ARID5B: variants seen among roughly 807,000 people sequenced by gnomAD.
The protein encoded by ARID5B is AT-rich interaction domain 5B, also known as AT-rich interactive domain-containing protein 5B.
In ARID5B, 13 loss-of-function variants were observed where a neutral mutation model predicts 97.2. The ratio of observed to expected loss-of-function variants is 0.13; its 90% CI spans 0.09 to 0.21. The LOEUF (loss-of-function observed/expected upper bound fraction) is 0.21, where lower values mean the gene tolerates loss of function less well. Ranked by LOEUF, ARID5B falls within the 10% of genes least tolerant of loss-of-function variation. The pLI is 1.00. For synonymous variants in ARID5B, 556 were observed against 570.3 expected, an observed-to-expected ratio of 0.97 and a Z score of 0.36; for missense variants, 1,210 against 1,465.3, an observed-to-expected ratio of 0.83 and a Z score of 2.84.
chr10:61,906,757 C>G (rs772921406), intron 2 of ARID5B, among the ~76,000 whole-genome samples: 4 of 152,142 alleles, frequency 2.6e-5, no homozygotes, highest in African/African-American at 4.8e-5. Flanking sequence ...AATAGAATCT[C>G]TAGAGTTGGG....
chr10:61,907,753 A>G (rs1843730883), intron 2 of ARID5B, among the ~76,000 whole-genome samples: 1 of 152,284 alleles, frequency 6.6e-6, no homozygotes, highest in Non-Finnish European at 1.5e-5. Flanking sequence ...AATCTGGCCC[A>G]CTGTCTGTTT....
In ARID5B at chr10:62,093,239, A is replaced by G. The variant is rs895554338; in HGVS notation, c.*209A>G. The G allele has an allele frequency of 1.6e-6, 1 of 644,000 alleles. No homozygotes were observed. Among genetic ancestry groups the G allele is most frequent in the Non-Finnish European group, 2.5e-6 (1 of 400,944 alleles). The allele number at this position is 644,000 out of a possible 1,614,324, so 39.9% of individuals were successfully genotyped here. A position where few individuals can be genotyped will look rare whatever the true frequency, so the allele number is the denominator to read the frequency against. The stretch of plus-strand genomic sequence containing the variant: ...CAAACTGACTGGCTGGTGAGTCTTG[A>G]CTCCCTTCCAACACAGATGCCCAGG... On this transcript the variant is annotated 3_prime_UTR_variant, in exon 10 of 10. Transcript: ENST00000279873.
intron 3 of ARID5B, among the ~76,000 whole-genome samples, chr10:61,981,905 G>A (rs1838782160): frequency 1.3e-5 from 2 of 152,228 alleles, no homozygotes; most frequent in Non-Finnish European, 1.5e-5. Flanking sequence ...TCCATGGTGG[G>A]AGAGACTTTG....
chr10:62,006,998 C>T (rs184733834), intron 4 of ARID5B, among the ~76,000 whole-genome samples: 3 of 152,156 alleles, frequency 2.0e-5, no homozygotes, highest in East Asian at 1.9e-4. Context: ...TCTAGAAAAG[C>T]GAGAAAGTTA....
At chr10:62,043,772 A>G (rs973254962) in intron 4 of ARID5B, among the ~76,000 whole-genome samples, 1 of 152,242 alleles carries the variant, frequency 6.6e-6, no homozygotes, top group Non-Finnish European at 1.5e-5. Context: ...AACCTTGATC[A>G]GGAGCATTAA....
intron 2 of ARID5B, among the ~76,000 whole-genome samples, chr10:61,916,253 T>C (rs1037310887): frequency 6.6e-6 from 1 of 152,102 alleles, no homozygotes; most frequent in African/African-American, 2.4e-5. Flanking sequence ...GATGGGGTTT[T>C]GCCATGTTGG....
intron 3 of ARID5B, among the ~76,000 whole-genome samples, chr10:61,966,141 A>C (rs1281599642): frequency 6.6e-6 from 1 of 152,222 alleles, no homozygotes; most frequent in East Asian, 1.9e-4. Context: ...CCAATTTACT[A>C]TATTTTCTTT....
intron 7 of ARID5B, among the ~76,000 whole-genome samples, chr10:62,069,464 A>G (rs1840034080): frequency 6.6e-6 from 1 of 152,238 alleles, no homozygotes; most frequent in Admixed American, 6.5e-5. Context: ...AATGAAACGC[A>G]CTTAGGATGA....
At chr10:61,908,547 C>T (rs534423372) in intron 2 of ARID5B, among the ~76,000 whole-genome samples, 2 of 152,220 alleles carry the variant, frequency 1.3e-5, no homozygotes, top group South Asian at 4.1e-4. Flanking sequence ...GTGGCTCACG[C>T]CTGTAATCCC....
At chr10:61,920,148 G>T (rs1045270295) in intron 2 of ARID5B, among the ~76,000 whole-genome samples, 1 of 151,952 alleles carries the variant, frequency 6.6e-6, no homozygotes, top group African/African-American at 2.4e-5. Context: ...AATCTTTACA[G>T]GCTTTTTGTG....
chr10:61,946,929 A>T (rs1838246834), intron 3 of ARID5B, among the ~76,000 whole-genome samples: 1 of 152,166 alleles, frequency 6.6e-6, no homozygotes, highest in South Asian at 2.1e-4. Context: ...TCAAAAAAAA[A>T]TAATAATAAT....
chr10:61,971,070 T>A (rs1026058494), intron 3 of ARID5B, among the ~76,000 whole-genome samples: 3 of 151,750 alleles, frequency 2.0e-5, no homozygotes. Flanking sequence ...CCTGAAACAG[T>A]GATTTATCTG....
chr10:61,919,847 GT>G (rs983818197), intron 2 of ARID5B, among the ~76,000 whole-genome samples: 28 of 147,448 alleles, frequency 1.9e-4, no homozygotes, highest in Admixed American at 3.4e-4. Flanking sequence ...AAAGACTGAA[GT>G]TTTTTTTTTT....
chr10:61,929,087 A>G (rs1240745238), intron 2 of ARID5B, among the ~76,000 whole-genome samples: 1 of 152,200 alleles, frequency 6.6e-6, no homozygotes, highest in Non-Finnish European at 1.5e-5. Context: ...GGTTGTAGTT[A>G]GTCTGTCTAA....
intron 3 of ARID5B, among the ~76,000 whole-genome samples, chr10:61,954,283 G>C (rs539570506): frequency 1.3e-5 from 2 of 152,074 alleles, no homozygotes; most frequent in African/African-American, 4.8e-5. Context: ...CTTGAACCTG[G>C]GGGGTGGGGG....
intron 3 of ARID5B, among the ~76,000 whole-genome samples, chr10:61,960,776 G>T (rs758180804): frequency 5.3e-5 from 8 of 152,192 alleles, no homozygotes; most frequent in Non-Finnish European, 8.8e-5. Flanking sequence ...GTGCTCCGTA[G>T]GTATGTTGGA....
At chr10:61,909,517 G>A (rs1843767043) in intron 2 of ARID5B, among the ~76,000 whole-genome samples, 1 of 151,766 alleles carries the variant, frequency 6.6e-6, no homozygotes, top group South Asian at 2.1e-4. Context: ...AGTAAAGACG[G>A]GGTTTCACCA....
chr10:61,941,394 G>A (rs768450034), intron 3 of ARID5B, among the ~76,000 whole-genome samples: 29 of 150,936 alleles, frequency 1.9e-4, no homozygotes, highest in Admixed American at 4.0e-4. Context: ...ATTTAGACTA[G>A]TTATTTCCTC....
chr10:62,011,232 A>AGGT (rs1427123169), intron 4 of ARID5B, among the ~76,000 whole-genome samples: 2 of 152,148 alleles, frequency 1.3e-5, no homozygotes, highest in African/African-American at 2.4e-5. Flanking sequence ...TAGGAGATCA[A>AGGT]ATCTTTTAAC....
Sources: allele counts gnomAD v4.1 joint callset (sites outside exome capture counted in the v4.1 genomes callset), GRCh38; gene constraint gnomAD v4.1.1; transcripts MANE v1.5; gene names NCBI Gene and HGNC (gene_info 2026-07-23, HGNC 2026-07-21).